The following ESAM variants were observed in gnomAD, a reference collection of about 807,000 sequenced individuals.
ESAM encodes endothelial cell adhesion molecule.
A neutral mutation model predicts 31.8 loss-of-function variants in ESAM; 23 were observed. That is an observed-to-expected ratio of 0.72 (90% CI 0.52 to 1.03). The LOEUF (loss-of-function observed/expected upper bound fraction) is 1.03. Among genes scored for constraint, ESAM ranks in the 50% least tolerant of loss-of-function variants. The pLI is 0.00. For missense variants in ESAM, 478 were observed against 488.9 expected (o/e 0.98, Z 0.21); for synonymous variants, 216 against 207.2 (o/e 1.04, Z -0.37).
In ESAM at chr11:124,753,850, A is replaced by G. The variant is rs1565441048; in HGVS notation, c.969T>C (p.His323=). ...VTSARALRPP[H]GPPRPGALTP... Reference sequence around the variant, plus strand: ...TCAATGCACCAGGCCTGGGAGGGCCATGGGGTGGCCGGAGGGCTCGTGCGG... The same window carrying G: ...TCAATGCACCAGGCCTGGGAGGGCCGTGGGGTGGCCGGAGGGCTCGTGCGG... Residue 323 remains histidine, a synonymous_variant, in exon 7 of 7, where the codon CAT becomes CAC. Coordinates refer to ENST00000278927, the MANE Select transcript of ESAM (RefSeq NM_138961.3). 5 of 1,613,696 alleles carry G rather than the reference A, an allele frequency of 3.1e-6. No individual in the cohort carries two copies. In the South Asian group the frequency reaches 3.3e-5, roughly 11 times the overall value.
At chr11:124,756,411 C>A in intron 3 of ESAM, 49 bp from the exon 4 acceptor site, 1 of 1,576,082 alleles carries the variant, frequency 6.3e-7, no homozygotes, top group Non-Finnish European at 8.6e-7. Flanking sequence ...ACCCACAGAT[C>A]CTCTCCCTCT....
At chr11:124,761,849 TC>T (rs1944233612) in intron 1 of ESAM, among the ~76,000 whole-genome samples, 1 of 151,840 alleles carries the variant, frequency 6.6e-6, no homozygotes, top group Admixed American at 6.6e-5. Context: ...ATCCAGGTCT[TC>T]CGAGAGATGC....
intron 3 of ESAM, 70 bp from the exon 4 acceptor site, chr11:124,756,432 C>T (rs1944155696): frequency 1.3e-6 from 2 of 1,578,048 alleles, no homozygotes; most frequent in East Asian, 4.5e-5. Flanking sequence ...GCCCTGCACC[C>T]TTCTGTCGCT....
rs1343254773 is a variant in ESAM at position 124,754,136 on chromosome 11, T to A, written c.857+78A>T. 12 of 1,576,932 alleles carry A rather than the reference T, an allele frequency of 7.6e-6. No homozygotes were observed. The highest frequency in any genetic ancestry group is 9.5e-6 in the Non-Finnish European group (11 of 1,161,670). On this transcript the variant is annotated intron_variant, in intron 6 of 6. Transcript: ENST00000278927. The surrounding 1 kb of genome is among the most constrained non-coding windows in gnomAD (Gnocchi z 4.5). ...CAGCCACTGACCCCATCCCAATAGATGAGAGCTGCCTGAATTCCCAGCCTC... is the reference window on the plus strand; with the variant it reads ...CAGCCACTGACCCCATCCCAATAGAAGAGAGCTGCCTGAATTCCCAGCCTC...
chr11:124,754,037 A>G lies in ESAM; in HGVS notation c.858-76T>C, dbSNP rs1007694296. ...AGAGAGTTTCTACCTGCTTGGTCTT[A>G]TATACCACCTCTGCCTGCACACTTC... is the stretch of plus-strand genomic sequence containing the variant. On this transcript the variant is annotated intron_variant, in intron 6 of 6. Coordinates refer to ENST00000278927, the MANE Select transcript of ESAM (RefSeq NM_138961.3). The surrounding 1 kb of genome is among the most constrained non-coding windows in gnomAD (Gnocchi z 4.5). 1.3e-6 allele frequency: 2 copies of G among 1,573,134 alleles called. No homozygotes were observed. Among genetic ancestry groups the G allele is most frequent in the Non-Finnish European group, 1.7e-6 (2 of 1,155,456 alleles).
Position 124,762,060 on chromosome 11 carries a change from C to T in ESAM, c.70+25G>A, listed in dbSNP as rs975177909. The T allele has an allele frequency of 2.5e-6, 4 of 1,603,486 alleles. No homozygotes were observed. The African/African-American group carries it at 4.0e-5, about 16-fold the overall frequency. On this transcript the variant is annotated intron_variant, in intron 1 of 6. Transcript: ENST00000278927. This position sits in a 1 kb window ranked among gnomAD's most constrained non-coding sequence, Gnocchi z 6.4. The stretch of plus-strand genomic sequence containing the variant: ...CTCACCCCATCCCGCATCCCAAGTC[C>T]CCTCCAGGTCCGGGTTTCACTCACC...
At chr11:124,758,075 C>T (rs948223877) in intron 2 of ESAM, among the ~76,000 whole-genome samples, 1 of 151,962 alleles carries the variant, frequency 6.6e-6, no homozygotes, top group African/African-American at 2.4e-5. Flanking sequence ...CCATTCTTCC[C>T]CTCCTCCTCT....
chr11:124,754,326 C>T lies in ESAM; in HGVS notation c.745G>A (p.Val249Met). Reference sequence around the variant, plus strand: ...GTACCCACAACAGCTCCAGCAACCACTGCAGCTCCAGGCCCTGGAAAAGGC... The same window carrying T: ...GTACCCACAACAGCTCCAGCAACCATTGCAGCTCCAGGCCCTGGAAAAGGC... ...LEVSTGPGAA[V>M]VAGAVVGTLV... The change falls in exon 6 of 7, where the codon GTG becomes ATG. Residue 249 changes from valine (V) to methionine (M), a missense_variant. By Grantham distance (21) the Val-to-Met change is conservative. Transcript: ENST00000278927. The surrounding 1 kb of genome is among the most constrained non-coding windows in gnomAD (Gnocchi z 4.5). The T allele has an allele frequency of 1.9e-6, 3 of 1,614,126 alleles. No individual in the cohort carries two copies. The South Asian group carries it at 3.3e-5, about 18-fold the overall frequency.
In ESAM at chr11:124,754,140, AG is replaced by A; in HGVS notation, c.857+73del. ...CACTGACCCCATCCCAATAGATGAG[AG>A]CTGCCTGAATTCCCAGCCTCTGTGA... On this transcript the variant is annotated intron_variant, in intron 6 of 6. Transcript: ENST00000278927. This position sits in a 1 kb window ranked among gnomAD's most constrained non-coding sequence, Gnocchi z 4.5. 6.3e-7 allele frequency: 1 copy of A among 1,579,186 alleles called. No individual in the cohort carries two copies. The highest frequency in any genetic ancestry group is 8.6e-7 in the Non-Finnish European group (1 of 1,162,548).
At chr11:124,755,731 G>A (rs189958384) in intron 4 of ESAM, among the ~76,000 whole-genome samples, 4 of 152,216 alleles carry the variant, frequency 2.6e-5, no homozygotes, top group South Asian at 2.1e-4. Context: ...AAAGCAGTAC[G>A]TCGTTCCATA....
rs566503493 is a variant in ESAM, at chr11:124,754,889, T to C, written c.608-126A>G. 14 of 1,284,370 alleles carry C rather than the reference T, an allele frequency of 1.1e-5. No individual in the cohort carries two copies. The African/African-American group carries it at 1.7e-4, about 15-fold the overall frequency. 79.6% of individuals were successfully genotyped at this position (1,284,370 alleles called of 1,614,324 possible). A position where few individuals can be genotyped will look rare whatever the true frequency, so the allele number is the denominator to read the frequency against. On this transcript the variant is annotated intron_variant, in intron 4 of 6. Transcript: ENST00000278927. The surrounding 1 kb of genome is among the most constrained non-coding windows in gnomAD (Gnocchi z 4.5). ...GAGTCACGGCTTGTCTATTCCCTGA[T>C]GGGGGGAGAGGTGTGACAGCTGGGC...
Position 124,753,717 on chromosome 11 carries a change from AG to A in ESAM, c.1101del (p.Ser368LeufsTer3), listed in dbSNP as rs1431080294. On this transcript the variant is annotated frameshift_variant, in exon 7 of 7. Coordinates refer to ENST00000278927, the MANE Select transcript of ESAM (RefSeq NM_138961.3). LOFTEE classifies it high-confidence loss of function. ...PISPIPGGVS[S>X]SGLSRMGAVP... ...ACAGCACCCATGCGGCTCAAGCCAG[AG>A]GAAGAAACCCCACCAGGGATGGGGG... 1 of 1,614,130 alleles carries A rather than the reference AG, an allele frequency of 6.2e-7. No individual in the cohort carries two copies. The highest frequency in any genetic ancestry group is 1.1e-5 in the South Asian group (1 of 91,088).
In ESAM at chr11:124,758,524, G is replaced by A. The variant is rs147752327; in HGVS notation, c.74C>T (p.Pro25Leu). Residue 25 changes from proline to leucine, a missense_variant, in exon 2 of 7, where the codon CCC becomes CTC. Coordinates refer to ENST00000278927, the MANE Select transcript of ESAM (RefSeq NM_138961.3). ...FLFLGLSALA[P>L]PSRAQLQLHL... The stretch of plus-strand genomic sequence containing the variant: ...CAGTTGCAGCTGGGCCCGCGAGGGG[G>A]GCGCTGGAGACAAGAGCGAGGCGTG... The A allele has an allele frequency of 1.0e-4, 155 of 1,553,488 alleles. No individual in the cohort carries two copies. The African/African-American group carries it at 1.1e-3, about 11-fold the overall frequency.
In ESAM at chr11:124,754,673, G is replaced by A. The variant is rs1944134305; in HGVS notation, c.698C>T (p.Ala233Val). The change falls in exon 5 of 7, where the codon GCC (alanine) becomes GTC (valine). Residue 233 changes from alanine (A) to valine (V), a missense_variant. Ala to Val is a moderately conservative substitution (Grantham distance 64). Coordinates refer to ENST00000278927, the MANE Select transcript of ESAM (RefSeq NM_138961.3). This position sits in a 1 kb window ranked among gnomAD's most constrained non-coding sequence, Gnocchi z 4.5. Reference protein sequence around the residue: ...VCKAHNEVGTAQCNVTLEVST... With the variant: ...VCKAHNEVGTVQCNVTLEVST... ...CACTTCCAGCGTCACATTACATTGG[G>A]CAGTGCCCACCTCATTGTGGGCCTT... 8 of 1,614,028 alleles carry A rather than the reference G, an allele frequency of 5.0e-6. No individual in the cohort carries two copies. In the East Asian group the frequency reaches 1.8e-4, roughly 36 times the overall value.
At chr11:124,760,674 C>T (rs1336674525) in intron 1 of ESAM, among the ~76,000 whole-genome samples, 4 of 152,216 alleles carry the variant, frequency 2.6e-5, no homozygotes, top group Non-Finnish European at 5.9e-5. Flanking sequence ...CTTTTGAGTC[C>T]AGGTCTTCAG....
Position 124,753,540 on chromosome 11 carries a change from A to T in ESAM, c.*106T>A. 1.1e-5 allele frequency: 14 copies of T among 1,254,182 alleles called. No individual in the cohort carries two copies. The highest frequency in any genetic ancestry group is 1.6e-5 in the Non-Finnish European group (14 of 894,570). 77.7% of individuals were successfully genotyped at this position (1,254,182 alleles called of 1,614,324 possible). A position where few individuals can be genotyped will look rare whatever the true frequency, so the allele number is the denominator to read the frequency against. Reference sequence around the variant, plus strand: ...AAAGAGAGGTGGGGGCAGAGTACTAAGGGTCAGGAGTGTGACTCTTTCCCA... The same window carrying T: ...AAAGAGAGGTGGGGGCAGAGTACTATGGGTCAGGAGTGTGACTCTTTCCCA... On this transcript the variant is annotated 3_prime_UTR_variant, in exon 7 of 7. Coordinates refer to ENST00000278927, the MANE Select transcript of ESAM (RefSeq NM_138961.3).
Position 124,756,696 on chromosome 11 carries a change from G to A in ESAM, c.296C>T (p.Ser99Phe). ...NGVTTSKPGV[S>F]LVYSMPSRNL... is the part of the protein sequence containing the mutation. Reference sequence around the variant, plus strand: ...CCGGGAGGGCATGGAGTAGACCAAGGATACTCCAGGTTTGCTTGTTGTGAC... The same window carrying A: ...CCGGGAGGGCATGGAGTAGACCAAGAATACTCCAGGTTTGCTTGTTGTGAC... The change falls in exon 3 of 7, where the codon TCC becomes TTC. Residue 99 changes from serine to phenylalanine, a missense_variant. Coordinates refer to ENST00000278927, the MANE Select transcript of ESAM (RefSeq NM_138961.3). 3 of 1,614,162 alleles carry A rather than the reference G, an allele frequency of 1.9e-6. No individual in the cohort carries two copies. Among genetic ancestry groups the A allele is most frequent in the Non-Finnish European group, 2.5e-6 (3 of 1,180,044 alleles).
Position 124,753,384 on chromosome 11 carries a change from C to G in ESAM, c.*262G>C, listed in dbSNP as rs367676140. Reference sequence around the variant, plus strand: ...TCTGCCCCTCACTCTTGGTGAGTAGCTAATTTCAGCAGCTGGCTTCATAAG... The same window carrying G: ...TCTGCCCCTCACTCTTGGTGAGTAGGTAATTTCAGCAGCTGGCTTCATAAG... On this transcript the variant is annotated 3_prime_UTR_variant, in exon 7 of 7. Coordinates refer to ENST00000278927, the MANE Select transcript of ESAM (RefSeq NM_138961.3). The G allele has an allele frequency of 1.0e-5, 5 of 486,226 alleles. No homozygotes were observed. Among genetic ancestry groups the G allele is most frequent in the East Asian group, 7.6e-5 (2 of 26,434 alleles). The allele number at this position is 486,226 out of a possible 1,614,324, so 30.1% of individuals were successfully genotyped here.
chr11:124,755,559 T>A (rs1344153771), intron 4 of ESAM, among the ~76,000 whole-genome samples: 1 of 152,158 alleles, frequency 6.6e-6, no homozygotes, highest in Non-Finnish European at 1.5e-5. Flanking sequence ...AAGAAAAAGC[T>A]ACTATTATAA....
Sources: allele counts gnomAD v4.1 joint callset (sites outside exome capture counted in the v4.1 genomes callset), GRCh38; gene constraint gnomAD v4.1.1; non-coding constraint Gnocchi (gnomAD v3.1); transcripts MANE v1.5; gene names NCBI Gene and HGNC (gene_info 2026-07-23, HGNC 2026-07-21).